The following ROBO2 variants were observed in gnomAD, a reference collection of about 807,000 sequenced individuals.
The protein encoded by ROBO2 is roundabout guidance receptor 2, also known as roundabout homolog 2.
Under a neutral mutation model 160.8 loss-of-function variants are expected in ROBO2, and 53 were observed. The observed-to-expected ratio is 0.33, with a 90% CI of 0.26 to 0.41. ROBO2 has a LOEUF of 0.41. ROBO2 is among the 10% of genes least tolerant of loss of function. The pLI is 1.00. For missense variants in ROBO2, 1,577 were observed against 1,722.4 expected, an observed-to-expected ratio of 0.92 and a Z score of 1.49; for synonymous variants, 664 against 611.7, an observed-to-expected ratio of 1.09 and a Z score of -1.26.
At chr3:76,622,239 A>AAGG (rs1560252129) in intron 2 of ROBO2, among the ~76,000 whole-genome samples, 100 of 32,534 alleles carry the variant, frequency 3.1e-3, no homozygotes, top group African/African-American at 5.6e-3. Flanking sequence ...AGGAAGGAAG[A>AAGG]AAGAAAGAAA....
chr3:76,835,786 G>GA (rs1166821038), intron 2 of ROBO2, among the ~76,000 whole-genome samples: 1 of 151,872 alleles, frequency 6.6e-6, no homozygotes, highest in Non-Finnish European at 1.5e-5. Context: ...ACTGGTTTCT[G>GA]AAAATTTATG....
At position 76,496,164 on chromosome 3, in the gene ROBO2, T is replaced by C. The variant is rs192299421; in HGVS notation, c.109+558562T>C. ...GTTAAATAGATTCATCTATAAAACA[T>C]GTCTGGCATACTACCCAACTCCTCA... On this transcript the variant is annotated intron_variant, in intron 2 of 26. Coordinates refer to the ROBO2 transcript ENST00000487694. 5.4e-3 allele frequency among the ~76,000 whole-genome samples: 818 copies of C among 152,342 alleles called. 8 individuals are homozygous for C. The highest frequency in any genetic ancestry group is 0.019 in the African/African-American group (770 of 41,586).
intron 2 of ROBO2, among the ~76,000 whole-genome samples, chr3:76,445,100 C>T (rs1290190337): frequency 6.6e-6 from 1 of 152,100 alleles, no homozygotes; most frequent in African/African-American, 2.4e-5. Context: ...TCACCGACTA[C>T]AGTTTACTAG....
At chr3:77,591,418 C>A (rs1039874672) in intron 17 of ROBO2, among the ~76,000 whole-genome samples, 1 of 152,142 alleles carries the variant, frequency 6.6e-6, no homozygotes, top group African/African-American at 2.4e-5. Context: ...TCCTCCTCTA[C>A]CCCAGTTGTA....
intron 2 of ROBO2, among the ~76,000 whole-genome samples, chr3:77,105,197 A>G (rs1037935904): frequency 1.3e-5 from 2 of 152,240 alleles, no homozygotes; most frequent in Non-Finnish European, 2.9e-5. Flanking sequence ...GTGGGAAAAC[A>G]AAGAACTATT....
At chr3:77,322,676 T>C (rs1357672190) in intron 2 of ROBO2, among the ~76,000 whole-genome samples, 1 of 149,042 alleles carries the variant, frequency 6.7e-6, no homozygotes, top group Non-Finnish European at 1.5e-5. Flanking sequence ...ATTTTCATTC[T>C]TGAATATTTT....
chr3:76,072,892 CCT>C (rs1559888415), intron 2 of ROBO2, among the ~76,000 whole-genome samples: 2 of 152,172 alleles, frequency 1.3e-5, no homozygotes, highest in African/African-American at 2.4e-5. Context: ...CCTATTCAGA[CCT>C]CTGTTTCCTC....
chr3:77,506,202 T>C (rs2088498771), intron 5 of ROBO2, among the ~76,000 whole-genome samples: 1 of 152,284 alleles, frequency 6.6e-6, no homozygotes, highest in East Asian at 1.9e-4. Context: ...TTTTGTTTTG[T>C]ATATTTCTAT....
In ROBO2 at chr3:76,427,383, T is replaced by C. The variant is rs528971633; in HGVS notation, c.109+489781T>C. ...ATGATCTGGAGAGCTATCAATGAAA[T>C]GGTGAAAATATGATAATGTTGAGCA... On this transcript the variant is annotated intron_variant, in intron 2 of 26. Transcript: ENST00000487694. Among the ~76,000 whole-genome samples, 246 of 152,126 alleles carry C rather than the reference T, an allele frequency of 1.6e-3. 1 individual carries two copies. Among genetic ancestry groups the C allele is most frequent in the African/African-American group, 5.7e-3 (235 of 41,512 alleles).
intron 2 of ROBO2, among the ~76,000 whole-genome samples, chr3:76,086,824 C>A (rs2069033158): frequency 6.6e-6 from 1 of 151,818 alleles, no homozygotes; most frequent in South Asian, 2.1e-4. Flanking sequence ...AACACATAGA[C>A]AATGTAAACA....
intron 2 of ROBO2, among the ~76,000 whole-genome samples, chr3:77,350,869 G>A (rs917578565): frequency 6.6e-6 from 1 of 152,162 alleles, no homozygotes; most frequent in African/African-American, 2.4e-5. Context: ...TCTCTCAACA[G>A]AAGCAAATTA....
At chr3:77,322,035 T>C (rs992967814) in intron 2 of ROBO2, among the ~76,000 whole-genome samples, 4 of 152,130 alleles carry the variant, frequency 2.6e-5, no homozygotes, top group Non-Finnish European at 5.9e-5. Flanking sequence ...TGGAGAGAGC[T>C]GAGGGAGACT....
chr3:77,017,794 C>T (rs2062370535), intron 2 of ROBO2, among the ~76,000 whole-genome samples: 1 of 151,560 alleles, frequency 6.6e-6, no homozygotes, highest in Admixed American at 6.6e-5. Context: ...ATGAAAAATA[C>T]TTTGGGCATA....
intron 2 of ROBO2, among the ~76,000 whole-genome samples, chr3:76,889,605 G>A (rs928604107): frequency 1.2e-4 from 19 of 152,036 alleles, no homozygotes; most frequent in African/African-American, 4.1e-4. Flanking sequence ...AATGTTTATC[G>A]AATATATACT....
intron 2 of ROBO2, among the ~76,000 whole-genome samples, chr3:77,393,151 A>G (rs1433953679): frequency 2.0e-5 from 3 of 152,012 alleles, no homozygotes; most frequent in African/African-American, 4.8e-5. Flanking sequence ...CTCATTTTCT[A>G]TTTTCTTTGT....
chr3:76,460,603 AC>A (rs1381345465), intron 2 of ROBO2, among the ~76,000 whole-genome samples: 4 of 152,176 alleles, frequency 2.6e-5, no homozygotes, highest in Non-Finnish European at 5.9e-5. Context: ...GAGGCTCTCC[AC>A]CAACAAGGAA....
chr3:76,075,731 G>C (rs896064250), intron 2 of ROBO2, among the ~76,000 whole-genome samples: 2 of 152,108 alleles, frequency 1.3e-5, no homozygotes, highest in Admixed American at 6.5e-5. Flanking sequence ...TCAATAGAAA[G>C]AGCAAAACAG....
intron 2 of ROBO2, among the ~76,000 whole-genome samples, chr3:77,367,511 T>C (rs78426529): frequency 0.02 from 2,967 of 152,134 alleles, 36 homozygotes; most frequent in Non-Finnish European, 0.029. Flanking sequence ...ATAGTTTTCA[T>C]AGACAGGTAA....
At chr3:77,289,495 G>T (rs2060902781) in intron 2 of ROBO2, among the ~76,000 whole-genome samples, 1 of 151,506 alleles carries the variant, frequency 6.6e-6, no homozygotes, top group East Asian at 1.9e-4. Flanking sequence ...AAGATATAAA[G>T]TAAAATTGAC....
Sources: gnomAD v4.1 joint callset for allele counts (sites outside exome capture counted in the v4.1 genomes callset) on GRCh38, gnomAD v4.1.1 for gene constraint, MANE v1.5 for transcripts, NCBI Gene and HGNC (gene_info 2026-07-23, HGNC 2026-07-21) for gene names.